SHISA7: variants seen among roughly 807,000 people sequenced by gnomAD.
SHISA7 encodes shisa family member 7.
A neutral mutation model predicts 23.9 loss-of-function variants in SHISA7; 6 were observed. That is an observed-to-expected ratio of 0.25 (90% CI 0.14 to 0.50). SHISA7 has a LOEUF of 0.50. SHISA7 is among the 20% of genes least tolerant of loss of function. The pLI is 0.98. For missense variants in SHISA7, 671 were observed against 801.1 expected (o/e 0.84, Z 1.96); for synonymous variants, 386 against 398.3 (o/e 0.97, Z 0.37).
In SHISA7 at chr19:55,442,442, G is replaced by A; in HGVS notation, c.422C>T (p.Pro141Leu). 7.0e-7 allele frequency: 1 copy of A among 1,420,026 alleles called. No homozygotes were observed. The highest frequency in any genetic ancestry group is 1.5e-5 in the African/African-American group (1 of 67,000). 88.0% of individuals were successfully genotyped at this position (1,420,026 alleles called of 1,614,324 possible). A position where few individuals can be genotyped will look rare whatever the true frequency, so the allele number is the denominator to read the frequency against. The part of the protein sequence containing the change: ...YDTPRWATTP[P>L]PLAGGAGGAG... ...GCCCCCGGCGCCCCCAGCTAGCGGC[G>A]GCGGCGTGGTGGCCCAGCGCGGCGT... The change falls in exon 1 of 4, where the codon CCG becomes CTG. Residue 141 changes from proline (P) to leucine (L), a missense_variant. Pro to Leu is a moderately conservative substitution (Grantham distance 98, BLOSUM62 -3). Coordinates refer to ENST00000376325, the MANE Select transcript of SHISA7 (RefSeq NM_001145176.2).
intron 3 of SHISA7, among the ~76,000 whole-genome samples, chr19:55,434,753 GTGGTGTGTGTGGTGTGTGGTGTGTGTA>G (rs1985352617): frequency 1.6e-5 from 2 of 122,494 alleles, no homozygotes; most frequent in Non-Finnish European, 1.7e-5. Context: ...TGTGGTGTGT[GTGGTGTGTGTGGTGTGTGGTGTGTGTA>G]TGGTGTGTGT....
Position 55,432,232 on chromosome 19 carries a change from G to A in SHISA7, c.*924C>T, listed in dbSNP as rs936013620. 4 of 152,784 alleles carry A rather than the reference G, an allele frequency of 2.6e-5. No homozygotes were observed. The highest frequency in any genetic ancestry group is 2.6e-4 in the Admixed American group (4 of 15,280). The allele number at this position is 152,784 out of a possible 1,614,324, so 9.5% of individuals were successfully genotyped here. A position where few individuals can be genotyped will look rare whatever the true frequency, so the allele number is the denominator to read the frequency against. ...GCTCTCTGGCATCTTCCCTGGGGTG[G>A]TCCTGGACTCTGGGCCTGCCCTGCC... On this transcript the variant is annotated 3_prime_UTR_variant, in exon 4 of 4. Transcript: ENST00000376325. This position sits in a 1 kb window ranked among gnomAD's most constrained non-coding sequence, Gnocchi z 4.6.
chr19:55,433,740 C>T lies in SHISA7; in HGVS notation c.1033G>A (p.Gly345Ser), dbSNP rs961794855. The change falls in exon 4 of 4, where the codon GGC (glycine) becomes AGC (serine). Residue 345 changes from glycine to serine, a missense_variant. Physicochemically the swap from Gly to Ser is moderately conservative, Grantham distance 56. Coordinates refer to ENST00000376325, the MANE Select transcript of SHISA7 (RefSeq NM_001145176.2). The surrounding 1 kb of genome is among the most constrained non-coding windows in gnomAD (Gnocchi z 8.4). Reference protein sequence around the residue: ...LKRRPLELPRGTLPLHALRRP... With the variant: ...LKRRPLELPRSTLPLHALRRP... The stretch of plus-strand genomic sequence containing the variant: ...CGCAGCGCGTGCAGGGGCAGCGTGC[C>T]GCGGGGCAATTCCAGGGGCCGGCGC... 28 of 1,460,930 alleles carry T rather than the reference C, an allele frequency of 1.9e-5. No homozygotes were observed. The highest frequency in any genetic ancestry group is 2.3e-5 in the Non-Finnish European group (26 of 1,116,216). The allele number at this position is 1,460,930 out of a possible 1,614,324, so 90.5% of individuals were successfully genotyped here. A position where few individuals can be genotyped will look rare whatever the true frequency, so the allele number is the denominator to read the frequency against.
chr19:55,440,277 C>T (rs561613109), intron 2 of SHISA7, among the ~76,000 whole-genome samples: 216 of 152,252 alleles, frequency 1.4e-3, no homozygotes, highest in African/African-American at 4.8e-3. Flanking sequence ...CTGACAAATT[C>T]GAATTTGGTA....
intron 2 of SHISA7, among the ~76,000 whole-genome samples, chr19:55,440,019 TTAAA>T (rs1985559387): frequency 6.7e-6 from 1 of 150,352 alleles, no homozygotes; most frequent in Non-Finnish European, 1.5e-5. Flanking sequence ...ATATCATATT[TTAAA>T]TATATAATTA....
At position 55,433,785 on chromosome 19, in the gene SHISA7, G is replaced by T; in HGVS notation, c.988C>A (p.Leu330Met). 7.0e-7 allele frequency: 1 copy of T among 1,421,038 alleles called. No homozygotes were observed. Among genetic ancestry groups the T allele is most frequent in the East Asian group, 3.0e-5 (1 of 33,142 alleles). 88.0% of individuals were successfully genotyped at this position (1,421,038 alleles called of 1,614,324 possible). ...CGGCGCTTCAGGTAGGCCTCGTCCAGATCCTTCTCGGCTGCGGGGAGAGGG... is the reference window on the plus strand; with the variant it reads ...CGGCGCTTCAGGTAGGCCTCGTCCATATCCTTCTCGGCTGCGGGGAGAGGG... ...SSLKRLAEKD[L>M]DEAYLKRRPL... Residue 330 changes from leucine (L) to methionine (M), a missense_variant, in exon 4 of 4, where the codon CTG becomes ATG. Around this residue, in one of 5 missense-constraint regions of SHISA7, gnomAD observed 457 missense variants for 488.3 expected, o/e 0.94. Transcript: ENST00000376325. The surrounding 1 kb of genome is among the most constrained non-coding windows in gnomAD (Gnocchi z 8.4).
At chr19:55,441,993 C>G in intron 1 of SHISA7, among the ~76,000 whole-genome samples, 200 bp downstream of exon 1, 1 of 152,228 alleles carries the variant, frequency 6.6e-6, no homozygotes, top group East Asian at 1.9e-4. Context: ...TCTCCCTCTC[C>G]CTGCATCACT....
chr19:55,435,910 G>A (rs1985448158), intron 3 of SHISA7, among the ~76,000 whole-genome samples: 3 of 151,850 alleles, frequency 2.0e-5, no homozygotes, highest in South Asian at 4.2e-4. Flanking sequence ...GCAAATGTCC[G>A]TAATAAAAAG....
At position 55,433,547 on chromosome 19, in the gene SHISA7, G is replaced by C. The variant is rs775848913; in HGVS notation, c.1226C>G (p.Ser409Trp). 2 of 1,493,230 alleles carry C rather than the reference G, an allele frequency of 1.3e-6. No individual in the cohort carries two copies. Among genetic ancestry groups the C allele is most frequent in the South Asian group, 2.5e-5 (2 of 79,892 alleles). The allele number at this position is 1,493,230 out of a possible 1,614,324, so 92.5% of individuals were successfully genotyped here. A position where few individuals can be genotyped will look rare whatever the true frequency, so the allele number is the denominator to read the frequency against. The stretch of plus-strand genomic sequence containing the variant: ...CGAGGACAGCAGCAGGTGCTCCTGC[G>C]ACACCAGGCGCGCGCGCGGCAGCGT... ...EFTLPRARLV[S>W]QEHLLLSSPE... The change falls in exon 4 of 4, where the codon TCG becomes TGG. Residue 409 changes from serine to tryptophan, a missense_variant. Ser to Trp is a radical substitution (Grantham distance 177). Around this residue, in one of 5 missense-constraint regions of SHISA7, gnomAD observed 457 missense variants for 488.3 expected, o/e 0.94. Coordinates refer to ENST00000376325, the MANE Select transcript of SHISA7 (RefSeq NM_001145176.2). This position sits in a 1 kb window ranked among gnomAD's most constrained non-coding sequence, Gnocchi z 8.4.
At position 55,442,895 on chromosome 19, in the gene SHISA7, G is replaced by T; in HGVS notation, c.-32C>A. ...TGCAGGGGGTCGCACTGGGCCGCCA[G>T]GCTGCGGGGAGAACGAGAGCAGAGG... On this transcript the variant is annotated 5_prime_UTR_variant, in exon 1 of 4. It adds an upstream start codon to the 5' untranslated region. Coordinates refer to ENST00000376325, the MANE Select transcript of SHISA7 (RefSeq NM_001145176.2). The T allele has an allele frequency of 7.7e-7, 1 of 1,299,778 alleles. No individual in the cohort carries two copies. The highest frequency in any genetic ancestry group is 9.7e-7 in the Non-Finnish European group (1 of 1,026,216). The allele number at this position is 1,299,778 out of a possible 1,614,324, so 80.5% of individuals were successfully genotyped here.
intron 3 of SHISA7, among the ~76,000 whole-genome samples, chr19:55,434,565 T>TATG (rs1985332151): frequency 9.6e-6 from 1 of 104,346 alleles, no homozygotes; most frequent in African/African-American, 3.9e-5. Context: ...GTGTGTGTGG[T>TATG]GTGTGTGTAT....
chr19:55,441,100 C>T (rs1985589839), intron 1 of SHISA7, among the ~76,000 whole-genome samples: 1 of 152,182 alleles, frequency 6.6e-6, no homozygotes, highest in Non-Finnish European at 1.5e-5. Flanking sequence ...AAAGGGTGCT[C>T]CATTTACCCA....
intron 1 of SHISA7, among the ~76,000 whole-genome samples, 174 bp downstream of exon 1, chr19:55,442,019 C>G (rs1487124832): frequency 6.6e-6 from 1 of 152,234 alleles, no homozygotes; most frequent in East Asian, 1.9e-4. Context: ...ACAGCCGGGC[C>G]GGCTCTGGCG....
rs151227716 is a variant in SHISA7, at chr19:55,434,830, T to G, written c.977-1034A>C. The stretch of plus-strand genomic sequence containing the variant: ...TGTGTGCATGGTGTGTATGTGTGTG[T>G]GGTGTGTGGTGTGTGTGTGCGTGTG... On this transcript the variant is annotated intron_variant, in intron 3 of 3. Transcript: ENST00000376325. Among the ~76,000 whole-genome samples the G allele has an allele frequency of 3.3e-4, 16 of 47,930 alleles. 1 individual carries two copies. Among genetic ancestry groups the G allele is most frequent in the East Asian group, 0.011 (1 of 90 alleles). 31.4% of individuals were successfully genotyped at this position (47,930 alleles called of 152,430 possible). A position where few individuals can be genotyped will look rare whatever the true frequency, so the allele number is the denominator to read the frequency against.
rs2123344142 is a variant in SHISA7, at chr19:55,433,444, G to A, written c.1329C>T (p.Ala443=). The A allele has an allele frequency of 7.5e-7, 1 of 1,339,374 alleles. No homozygotes were observed. The allele number at this position is 1,339,374 out of a possible 1,614,324, so 83.0% of individuals were successfully genotyped here. ...RSPALPPDPT[A]RASLAASHSN... is the part of the protein sequence containing the mutation. ...AGTGCGAGGCGGCCAGGCTGGCCCG[G>A]GCGGTGGGGTCGGGGGGCAGCGCGG... Residue 443 remains alanine, a synonymous_variant, in exon 4 of 4, where the codon GCC becomes GCT. Coordinates refer to ENST00000376325, the MANE Select transcript of SHISA7 (RefSeq NM_001145176.2). The surrounding 1 kb of genome is among the most constrained non-coding windows in gnomAD (Gnocchi z 8.4).
rs1342511779 is a variant in SHISA7 at position 55,436,563 on chromosome 19, A to G, written c.976+1042T>C. 3.3e-5 allele frequency among the ~76,000 whole-genome samples: 5 copies of G among 151,456 alleles called. No homozygotes were observed. In the East Asian group the frequency reaches 9.7e-4, roughly 29 times the overall value. On this transcript the variant is annotated intron_variant, in intron 3 of 3. Coordinates refer to ENST00000376325, the MANE Select transcript of SHISA7 (RefSeq NM_001145176.2). ...GATTGCAGTGAGCCAAGATCATGCC[A>G]CTGCTCTCCAGCCTGAGCGACAAGA... is the stretch of plus-strand genomic sequence containing the variant.
intron 3 of SHISA7, among the ~76,000 whole-genome samples, chr19:55,435,293 GGTGT>G (rs556347789): frequency 5.2e-4 from 69 of 132,264 alleles, no homozygotes; most frequent in South Asian, 1.3e-3. Flanking sequence ...GTGTATATGT[GGTGT>G]GTGTGTATAT....
At chr19:55,434,054 T>G (rs968948306) in intron 3 of SHISA7, among the ~76,000 whole-genome samples, 15 of 152,128 alleles carry the variant, frequency 9.9e-5, no homozygotes, top group Admixed American at 6.6e-4. Flanking sequence ...CTCTTGCTTT[T>G]GGGGAACCAC....
Position 55,433,451 on chromosome 19 carries a change from G to A in SHISA7, c.1322C>T (p.Pro441Leu). 1.5e-6 allele frequency: 2 copies of A among 1,341,156 alleles called. No individual in the cohort carries two copies. The highest frequency in any genetic ancestry group is 1.9e-6 in the Non-Finnish European group (2 of 1,054,284). The allele number at this position is 1,341,156 out of a possible 1,614,324, so 83.1% of individuals were successfully genotyped here. ...GGCGGCCAGGCTGGCCCGGGCGGTG[G>A]GGTCGGGGGGCAGCGCGGGGCTGCG... Reference protein sequence around the residue: ...PPRSPALPPDPTARASLAASH... With the variant: ...PPRSPALPPDLTARASLAASH... The change falls in exon 4 of 4, where the codon CCC becomes CTC. Residue 441 changes from proline to leucine, a missense_variant. Around this residue, in one of 5 missense-constraint regions of SHISA7, gnomAD observed 457 missense variants for 488.3 expected, o/e 0.94. Transcript: ENST00000376325. The surrounding 1 kb of genome is among the most constrained non-coding windows in gnomAD (Gnocchi z 8.4).
Sources: allele counts gnomAD v4.1 joint callset (sites outside exome capture counted in the v4.1 genomes callset), GRCh38; gene constraint gnomAD v4.1.1; regional missense constraint gnomAD v4.1.1; non-coding constraint Gnocchi (gnomAD v3.1); transcripts MANE v1.5; gene names NCBI Gene and HGNC (gene_info 2026-07-23, HGNC 2026-07-21).